GRID2IP: variants seen among roughly 807,000 people sequenced by gnomAD.
The protein encoded by GRID2IP is Grid2 interacting protein.
In GRID2IP, 78 loss-of-function variants were observed where a neutral mutation model predicts 114.3. The observed-to-expected ratio is 0.68, with a 90% CI of 0.57 to 0.82. The LOEUF (loss-of-function observed/expected upper bound fraction) is 0.82. Among genes scored for constraint, GRID2IP ranks in the 40% least tolerant of loss-of-function variants. The pLI is 0.00. For missense variants in GRID2IP, 1,727 were observed against 1,678.5 expected (o/e 1.03, Z -0.51); for synonymous variants, 809 against 724.0 (o/e 1.12, Z -1.89).
intron 4 of GRID2IP, among the ~76,000 whole-genome samples, chr7:6,525,559 C>T (rs143239751): frequency 0.012 from 1,747 of 151,826 alleles, 25 homozygotes; most frequent in African/African-American, 0.04. Flanking sequence ...ACTTGAGCCT[C>T]GGAGATGGAG....
Position 6,521,885 on chromosome 7 carries a change from G to T in GRID2IP, c.989+3C>A, listed in dbSNP as rs1471489942. ...ACCCCTGGTGTCCCCAATAGCCTCT[G>T]ACCTCATGTCCAGTCCATTGAGGAA... On this transcript the variant is annotated splice_donor_region_variant and intron_variant, in intron 5 of 21. Transcript: ENST00000457091. The surrounding 1 kb of genome is among the most constrained non-coding windows in gnomAD (Gnocchi z 4.1). 2.6e-6 allele frequency: 4 copies of T among 1,549,518 alleles called. No homozygotes were observed. The highest frequency in any genetic ancestry group is 3.5e-6 in the Non-Finnish European group (4 of 1,145,118).
At chr7:6,539,277 C>G (rs1270084640) in intron 2 of GRID2IP, among the ~76,000 whole-genome samples, 1 of 152,054 alleles carries the variant, frequency 6.6e-6, no homozygotes, top group Non-Finnish European at 1.5e-5. Flanking sequence ...TACAAGCATG[C>G]ACCACCACAC....
chr7:6,509,354 C>A lies in GRID2IP; in HGVS notation c.1772-41G>T. The stretch of plus-strand genomic sequence containing the variant: ...AGTATGAGGATTCCTCTTCAGCCAG[C>A]ACCGAGGTTCCAGGTGCAAGCTGGA... On this transcript the variant is annotated intron_variant, in intron 11 of 21. Transcript: ENST00000457091. This position sits in a 1 kb window ranked among gnomAD's most constrained non-coding sequence, Gnocchi z 4.9. 6.9e-7 allele frequency: 1 copy of A among 1,452,426 alleles called. No individual in the cohort carries two copies. Among genetic ancestry groups the A allele is most frequent in the Non-Finnish European group, 9.1e-7 (1 of 1,098,030 alleles). The allele number at this position is 1,452,426 out of a possible 1,614,324, so 90.0% of individuals were successfully genotyped here.
At chr7:6,497,920 C>A (rs1583329263) in intron 21 of GRID2IP, 75 bp from the exon 22 acceptor site, 1 of 1,422,766 alleles carries the variant, frequency 7.0e-7, no homozygotes, top group East Asian at 2.5e-5. Context: ...TCTCTTCCCA[C>A]ACTAGACAGC....
In GRID2IP at chr7:6,509,123, T is replaced by TG. The variant is rs1786686469; in HGVS notation, c.1961dup (p.Ser655LysfsTer26). ...TGGGCGGGCGGGTGGGGTCCGGGCT[T>TG]GGGGGGCTGTCGGGGCAGATGGGCC... is the stretch of plus-strand genomic sequence containing the variant. On this transcript the variant is annotated frameshift_variant, in exon 12 of 22. Transcript: ENST00000457091. LOFTEE classifies it high-confidence loss of function. The surrounding 1 kb of genome is among the most constrained non-coding windows in gnomAD (Gnocchi z 4.9). The TG allele has an allele frequency of 6.8e-7, 1 of 1,473,644 alleles. No homozygotes were observed. 91.3% of individuals were successfully genotyped at this position (1,473,644 alleles called of 1,614,324 possible).
chr7:6,522,807 A>ATATGTGTGTGTG (rs1779437651), intron 4 of GRID2IP, among the ~76,000 whole-genome samples: 1 of 147,574 alleles, frequency 6.8e-6, no homozygotes, highest in Non-Finnish European at 1.5e-5. Context: ...CCTGGCTAAT[A>ATATGTGTGTGTG]TGTGTGTGTG....
intron 15 of GRID2IP, 26 bp downstream of exon 15, chr7:6,504,767 C>A: frequency 6.5e-6 from 10 of 1,538,218 alleles, no homozygotes; most frequent in Non-Finnish European, 8.8e-6. Flanking sequence ...GCCCCCTACA[C>A]CCCCTGGGGT....
In GRID2IP at chr7:6,534,796, C is replaced by G. The variant is rs964975452; in HGVS notation, c.584+4922G>C. ...GTGGCTTGTTCTCACCTCACTGCAACCTCCACCTCCCGGGTTCAAGCGATT... is the reference window on the plus strand; with the variant it reads ...GTGGCTTGTTCTCACCTCACTGCAAGCTCCACCTCCCGGGTTCAAGCGATT... On this transcript the variant is annotated intron_variant, in intron 2 of 21. Coordinates refer to ENST00000457091, the MANE Select transcript of GRID2IP (RefSeq NM_001145118.2). The surrounding 1 kb of genome is among the most constrained non-coding windows in gnomAD (Gnocchi z 4.5). Among the ~76,000 whole-genome samples, 9 of 152,074 alleles carry G rather than the reference C, an allele frequency of 5.9e-5. No homozygotes were observed. Among genetic ancestry groups the G allele is most frequent in the Non-Finnish European group, 1.2e-4 (8 of 68,018 alleles).
At chr7:6,501,428 G>A (rs373512381) in intron 20 of GRID2IP, among the ~76,000 whole-genome samples, 15 of 152,260 alleles carry the variant, frequency 9.9e-5, no homozygotes, top group African/African-American at 3.6e-4. Flanking sequence ...GGGACCTGGT[G>A]TTGTGGCTCA....
rs142175642 is a variant in GRID2IP at position 6,519,065 on chromosome 7, C to T, written c.1268+1513G>A. Among the ~76,000 whole-genome samples, 432 of 151,902 alleles carry T rather than the reference C, an allele frequency of 2.8e-3. 1 individual carries two copies. The highest frequency in any genetic ancestry group is 7.4e-3 in the East Asian group (38 of 5,110). ...TCCCAAGTAGCTGGAACTACAGGTG[C>T]GCACCACCATGCCCAGCTAATTTTT... On this transcript the variant is annotated intron_variant, in intron 7 of 21. Coordinates refer to ENST00000457091, the MANE Select transcript of GRID2IP (RefSeq NM_001145118.2). This position sits in a 1 kb window ranked among gnomAD's most constrained non-coding sequence, Gnocchi z 4.1.
At position 6,520,972 on chromosome 7, in the gene GRID2IP, TTTTG is replaced by T. The variant is rs200064929; in HGVS notation, c.1085-215_1085-212del. Among the ~76,000 whole-genome samples the T allele has an allele frequency of 8.7e-3, 1,320 of 152,080 alleles. 10 individuals are homozygous for T. The highest frequency in any genetic ancestry group is 0.029 in the African/African-American group (1,218 of 41,478). On this transcript the variant is annotated intron_variant, in intron 6 of 21. Coordinates refer to ENST00000457091, the MANE Select transcript of GRID2IP (RefSeq NM_001145118.2). This position sits in a 1 kb window ranked among gnomAD's most constrained non-coding sequence, Gnocchi z 4.6. ...GTCCCTAAGGCTATACACTAGGGTT[TTTTG>T]TTTGTTTGTTTTGAGACAGAGTCTT...
chr7:6,539,059 A>T (rs1779774335), intron 2 of GRID2IP, among the ~76,000 whole-genome samples: 1 of 152,050 alleles, frequency 6.6e-6, no homozygotes, highest in Non-Finnish European at 1.5e-5. Context: ...CTCAATAAAG[A>T]ATTGGAAGTG....
At chr7:6,543,287 C>G (rs1344944147) in intron 1 of GRID2IP, among the ~76,000 whole-genome samples, 1 of 152,024 alleles carries the variant, frequency 6.6e-6, no homozygotes, top group Non-Finnish European at 1.5e-5. Flanking sequence ...ATCCCAGTTA[C>G]TCGGGAGGCT....
Position 6,551,061 on chromosome 7 carries a change from G to T in GRID2IP, c.376C>A (p.Pro126Thr). 7.6e-7 allele frequency: 1 copy of T among 1,316,176 alleles called. No homozygotes were observed. 81.5% of individuals were successfully genotyped at this position (1,316,176 alleles called of 1,614,324 possible). The part of the protein sequence containing the change: ...ELLRLAGRKR[P>T]DAVHRERRRK... ...CTGCGCTCTCGGTGCACCGCGTCCG[G>T]GCGCTTGCGGCCGGCCAGGCGAAGC... The change falls in exon 1 of 22, where the codon CCG becomes ACG. Residue 126 changes from proline (P) to threonine (T), a missense_variant. Pro to Thr is a conservative substitution (Grantham distance 38). Coordinates refer to ENST00000457091, the MANE Select transcript of GRID2IP (RefSeq NM_001145118.2).
chr7:6,530,512 C>T (rs1779598256), intron 2 of GRID2IP, among the ~76,000 whole-genome samples: 1 of 141,452 alleles, frequency 7.1e-6, no homozygotes, highest in Admixed American at 7.1e-5. Flanking sequence ...AGATCCGCAC[C>T]CCCCACCCCC....
Position 6,509,117 on chromosome 7 carries a change from C to T in GRID2IP, c.1968G>A (p.Pro656=), listed in dbSNP as rs752264890. 29 of 1,473,908 alleles carry T rather than the reference C, an allele frequency of 2.0e-5. No homozygotes were observed. The highest frequency in any genetic ancestry group is 5.1e-5 in the East Asian group (2 of 39,022). The allele number at this position is 1,473,908 out of a possible 1,614,324, so 91.3% of individuals were successfully genotyped here. A position where few individuals can be genotyped will look rare whatever the true frequency, so the allele number is the denominator to read the frequency against. ...TGCGGCTGGGCGGGCGGGTGGGGTC[C>T]GGGCTTGGGGGGCTGTCGGGGCAGA... ...GPICPDSPPS[P]DPTRPPSRRK... is the part of the protein sequence containing the mutation. The change falls in exon 12 of 22, where the codon CCG becomes CCA. Residue 656 remains proline (P), a synonymous_variant. Coordinates refer to ENST00000457091, the MANE Select transcript of GRID2IP (RefSeq NM_001145118.2). The surrounding 1 kb of genome is among the most constrained non-coding windows in gnomAD (Gnocchi z 4.9).
At position 6,503,575 on chromosome 7, in the gene GRID2IP, C is replaced by G. The variant is rs775123611; in HGVS notation, c.2823G>C (p.Ala941=). 6.5e-7 allele frequency: 1 copy of G among 1,528,914 alleles called. No individual in the cohort carries two copies. The highest frequency in any genetic ancestry group is 8.7e-7 in the Non-Finnish European group (1 of 1,144,282). The allele number at this position is 1,528,914 out of a possible 1,614,324, so 94.7% of individuals were successfully genotyped here. ...AGCGCTGCTCCTCGTCGGCGTCGGGCGCGAAGAGCAGCAGCTGCGCGAGAT... is the reference window on the plus strand; with the variant it reads ...AGCGCTGCTCCTCGTCGGCGTCGGGGGCGAAGAGCAGCAGCTGCGCGAGAT... The part of the protein sequence containing the change: ...PAHLAQLLLF[A]PDADEEQRYQ... The change falls in exon 16 of 22, where the codon GCG becomes GCC. Residue 941 remains alanine, a synonymous_variant. Transcript: ENST00000457091.
Position 6,526,459 on chromosome 7 carries a change from T to C in GRID2IP, c.833+62A>G. 1 of 1,463,000 alleles carries C rather than the reference T, an allele frequency of 6.8e-7. No individual in the cohort carries two copies. The highest frequency in any genetic ancestry group is 2.5e-5 in the East Asian group (1 of 39,636). 90.6% of individuals were successfully genotyped at this position (1,463,000 alleles called of 1,614,324 possible). Reference sequence around the variant, plus strand: ...CCCGCCCCTACGCCCTCTCCCCGGGTCTCGGTCCCGAGCCCACCCGCAGGG... The same window carrying C: ...CCCGCCCCTACGCCCTCTCCCCGGGCCTCGGTCCCGAGCCCACCCGCAGGG... On this transcript the variant is annotated intron_variant, in intron 3 of 21. Coordinates refer to ENST00000457091, the MANE Select transcript of GRID2IP (RefSeq NM_001145118.2). This position sits in a 1 kb window ranked among gnomAD's most constrained non-coding sequence, Gnocchi z 7.6.
chr7:6,499,627 C>T (rs1051808917), intron 20 of GRID2IP, among the ~76,000 whole-genome samples: 1 of 152,064 alleles, frequency 6.6e-6, no homozygotes, highest in African/African-American at 2.4e-5. Context: ...GACAGGGTTT[C>T]ACCATGTTGG....
Sources: allele counts gnomAD v4.1 joint callset (sites outside exome capture counted in the v4.1 genomes callset), GRCh38; gene constraint gnomAD v4.1.1; non-coding constraint Gnocchi (gnomAD v3.1); transcripts MANE v1.5; gene names NCBI Gene and HGNC (gene_info 2026-07-23, HGNC 2026-07-21).